Variants in COBLL1 observed in about 807,000 individuals in gnomAD.
The protein encoded by COBLL1 is cordon-bleu protein-like 1.
In COBLL1, 50 loss-of-function variants were observed where a neutral mutation model predicts 94.8. That is an observed-to-expected ratio of 0.53 (90% CI 0.42 to 0.67). COBLL1 has a LOEUF of 0.67. Ranked by LOEUF, COBLL1 falls within the 30% of genes least tolerant of loss-of-function variation. The pLI is 0.00. For missense variants in COBLL1, 1,362 were observed against 1,348.7 expected (o/e 1.01, Z -0.15); for synonymous variants, 448 against 473.8 (o/e 0.95, Z 0.71).
chr2:164,713,494 A>T (rs532241469), intron 7 of COBLL1, among the ~76,000 whole-genome samples: 1 of 152,266 alleles, frequency 6.6e-6, no homozygotes, highest in East Asian at 1.9e-4. Flanking sequence ...TGTGATCTAA[A>T]TACCACCACC....
chr2:164,807,066 T>C (rs1336601335), intron 2 of COBLL1, among the ~76,000 whole-genome samples: 2 of 152,142 alleles, frequency 1.3e-5, no homozygotes, highest in Non-Finnish European at 2.9e-5. Context: ...CCACAAGTTA[T>C]ATCTAACTCT....
intron 2 of COBLL1, among the ~76,000 whole-genome samples, chr2:164,751,378 T>C (rs185869251): frequency 3.6e-4 from 54 of 151,814 alleles, no homozygotes; most frequent in African/African-American, 1.2e-3. Context: ...GGGTTCTCTA[T>C]GAGCATTTTT....
At chr2:164,744,247 A>T (rs538292061) in intron 2 of COBLL1, among the ~76,000 whole-genome samples, 10 of 151,268 alleles carry the variant, frequency 6.6e-5, no homozygotes, top group Non-Finnish European at 8.9e-5. Flanking sequence ...AGAGATCAGT[A>T]TCTCACTCTC....
At chr2:164,834,096 A>T (rs1040116540) in intron 2 of COBLL1, among the ~76,000 whole-genome samples, 9 of 152,214 alleles carry the variant, frequency 5.9e-5, no homozygotes, top group Admixed American at 5.9e-4. Context: ...AGTCATAAAA[A>T]AAAGTCTCAT....
rs574677449 is a variant in COBLL1, at chr2:164,777,460, C to T, written c.42-33585G>A. ...TCCTAAGGATGCTGCCTGCCCTAAG[C>T]GTCTCCTGAAACGTTTTGTATATGC... is the stretch of plus-strand genomic sequence containing the variant. On this transcript the variant is annotated intron_variant, in intron 2 of 13. Coordinates refer to ENST00000652658, the MANE Select transcript of COBLL1 (RefSeq NM_001365672.2). Among the ~76,000 whole-genome samples the T allele has an allele frequency of 1.5e-4, 23 of 152,102 alleles. No homozygotes were observed. In the South Asian group the frequency reaches 3.9e-3, roughly 26 times the overall value.
At chr2:164,759,040 A>G (rs997541779) in intron 2 of COBLL1, among the ~76,000 whole-genome samples, 4 of 152,176 alleles carry the variant, frequency 2.6e-5, no homozygotes, top group Non-Finnish European at 5.9e-5. Flanking sequence ...ATATATGCAC[A>G]TACACATATT....
chr2:164,661,880 T>C (rs933897350), intron 2 of COBLL1, among the ~76,000 whole-genome samples: 6 of 152,190 alleles, frequency 3.9e-5, no homozygotes, highest in African/African-American at 1.4e-4. Context: ...AGTAATGTTT[T>C]TTATGGTTAT....
intron 7 of COBLL1, among the ~76,000 whole-genome samples, chr2:164,712,982 G>A (rs897096871): frequency 1.3e-5 from 2 of 152,026 alleles, no homozygotes; most frequent in African/African-American, 4.8e-5. Flanking sequence ...GGCTTGTATT[G>A]TATGAAAGCA....
Position 164,841,514 on chromosome 2 carries a change from C to T in COBLL1, c.-51+196G>A, listed in dbSNP as rs1683619114. 4 of 1,060,784 alleles carry T rather than the reference C, an allele frequency of 3.8e-6. No individual in the cohort carries two copies. The East Asian group carries it at 2.0e-4, about 53-fold the overall frequency. 65.7% of individuals were successfully genotyped at this position (1,060,784 alleles called of 1,614,324 possible). On this transcript the variant is annotated intron_variant, in intron 1 of 13. Transcript: ENST00000652658. This position sits in a 1 kb window ranked among gnomAD's most constrained non-coding sequence, Gnocchi z 5.5. ...GGGTTTACTGGGTAGCCATTTGGCG[C>T]CTCTCGGAGGGAGAGGAGCCGCCGG... is the stretch of plus-strand genomic sequence containing the variant.
intron 7 of COBLL1, among the ~76,000 whole-genome samples, chr2:164,718,691 C>A (rs1354395532): frequency 6.6e-6 from 1 of 151,970 alleles, no homozygotes; most frequent in Non-Finnish European, 1.5e-5. Flanking sequence ...TAAAAAGGGA[C>A]AAGAGGAACA....
At chr2:164,714,991 T>C (rs542731264) in intron 7 of COBLL1, among the ~76,000 whole-genome samples, 58 of 152,310 alleles carry the variant, frequency 3.8e-4, no homozygotes, top group Non-Finnish European at 7.5e-4. Context: ...TCCTCATAAT[T>C]CATAGTTCTT....
intron 7 of COBLL1, among the ~76,000 whole-genome samples, chr2:164,713,036 AAAAT>A (rs1684984702): frequency 6.6e-6 from 1 of 152,150 alleles, no homozygotes; most frequent in African/African-American, 2.4e-5. Flanking sequence ...TTGTAAAAAT[AAAAT>A]GTTATCTTTT....
In COBLL1 at chr2:164,841,584, T is replaced by A. The variant is rs1683625656; in HGVS notation, c.-51+126A>T. 2.1e-6 allele frequency: 1 copy of A among 480,444 alleles called. No homozygotes were observed. The highest frequency in any genetic ancestry group is 3.0e-6 in the Non-Finnish European group (1 of 337,538). The allele number at this position is 480,444 out of a possible 1,614,324, so 29.8% of individuals were successfully genotyped here. A position where few individuals can be genotyped will look rare whatever the true frequency, so the allele number is the denominator to read the frequency against. On this transcript the variant is annotated intron_variant, in intron 1 of 13. Transcript: ENST00000652658. The surrounding 1 kb of genome is among the most constrained non-coding windows in gnomAD (Gnocchi z 5.5). ...GCGGGGCCGGGCGCACGGGCACCGC[T>A]GCCACGCCGGCAGCGCACTCCCAGG...
intron 2 of COBLL1, among the ~76,000 whole-genome samples, chr2:164,826,512 A>C (rs1424202367): frequency 6.6e-6 from 1 of 152,226 alleles, no homozygotes; most frequent in Non-Finnish European, 1.5e-5. Context: ...AATGCCTGGC[A>C]TATACTGGTA....
intron 2 of COBLL1, among the ~76,000 whole-genome samples, chr2:164,791,983 C>G (rs960222399): frequency 6.6e-6 from 1 of 151,596 alleles, no homozygotes; most frequent in Non-Finnish European, 1.5e-5. Context: ...GATAAGTGCT[C>G]AATTATTTTA....
In COBLL1 at chr2:164,770,821, T is replaced by C. The variant is rs537092943; in HGVS notation, c.42-26946A>G. 4.6e-5 allele frequency among the ~76,000 whole-genome samples: 7 copies of C among 152,264 alleles called. No homozygotes were observed. The South Asian group carries it at 1.5e-3, about 32-fold the overall frequency. On this transcript the variant is annotated intron_variant, in intron 2 of 13. Transcript: ENST00000652658. ...TCTTAGCAAAGACTTTGTTCAAAAA[T>C]AGCCTTTGGATATCAAAGCCATTAA...
chr2:164,658,841 G>C (rs1004367359), intron 2 of COBLL1, among the ~76,000 whole-genome samples: 1 of 152,136 alleles, frequency 6.6e-6, no homozygotes, highest in Non-Finnish European at 1.5e-5. Context: ...TGGTTTCCTG[G>C]AGGGGATTAC....
At chr2:164,665,464 TAA>T (rs1303688011) in intron 2 of COBLL1, among the ~76,000 whole-genome samples, 11 of 141,610 alleles carry the variant, frequency 7.8e-5, no homozygotes, top group Admixed American at 1.4e-4. Flanking sequence ...TACTGTAGTT[TAA>T]AAAAAAAAAA....
At chr2:164,802,440 A>T (rs1683857035) in intron 2 of COBLL1, among the ~76,000 whole-genome samples, 1 of 152,214 alleles carries the variant, frequency 6.6e-6, no homozygotes, top group African/African-American at 2.4e-5. Context: ...TCTGAAGGCA[A>T]GAGATGATGG....
Sources: gnomAD v4.1 joint callset for allele counts (sites outside exome capture counted in the v4.1 genomes callset) on GRCh38, gnomAD v4.1.1 for gene constraint, Gnocchi (gnomAD v3.1) non-coding constraint, MANE v1.5 for transcripts, NCBI Gene and HGNC (gene_info 2026-07-23, HGNC 2026-07-21) for gene names.